Variants in IREB2 observed in about 807,000 individuals in gnomAD.
The protein encoded by IREB2 is iron-responsive element-binding protein 2.
A neutral mutation model predicts 118.8 loss-of-function variants in IREB2; 39 were observed. The ratio of observed to expected loss-of-function variants is 0.33; its 90% CI spans 0.25 to 0.43. The LOEUF (loss-of-function observed/expected upper bound fraction) is 0.43. Among genes scored for constraint, IREB2 ranks in the 20% least tolerant of loss-of-function variants. IREB2 has a pLI of 1.00. For missense variants in IREB2, 900 were observed against 1,147.3 expected (o/e 0.78, Z 3.11); for synonymous variants, 372 against 392.2 (o/e 0.95, Z 0.61).
chr15:78,483,843 G>A (rs1346562281), intron 11 of IREB2, among the ~76,000 whole-genome samples: 2 of 108,876 alleles, frequency 1.8e-5, no homozygotes, highest in Admixed American at 2.0e-4. Flanking sequence ...GAGTGCAGTG[G>A]CACAATCTCG....
At chr15:78,494,412 A>C (rs2051804967) in intron 20 of IREB2, 148 bp downstream of exon 20, 1 of 799,806 alleles carries the variant, frequency 1.3e-6, no homozygotes, top group Non-Finnish European at 2.0e-6. Flanking sequence ...TGTTTATTTC[A>C]GTGATCTTTG....
rs2051685497 is a variant in IREB2 at position 78,487,795 on chromosome 15, C to T, written c.1772C>T (p.Ala591Val). 2 of 1,603,400 alleles carry T rather than the reference C, an allele frequency of 1.2e-6. No homozygotes were observed. The highest frequency in any genetic ancestry group is 2.2e-5 in the South Asian group (2 of 90,708). ...CVGNTAPLSD[A>V]VLNAVKQGDL... ...GGAAATACAGCACCCTTATCAGACG[C>T]AGTTTTAAATGCAGTAAAACAGGTA... The change falls in exon 14 of 22, where the codon GCA becomes GTA. Residue 591 changes from alanine to valine, a missense_variant. Ala to Val is a moderately conservative substitution (Grantham distance 64). Coordinates refer to ENST00000258886, the MANE Select transcript of IREB2 (RefSeq NM_004136.4).
At chr15:78,497,346 C>T in intron 21 of IREB2, 35 bp downstream of exon 21, 1 of 1,380,428 alleles carries the variant, frequency 7.2e-7, no homozygotes, top group South Asian at 1.2e-5. Context: ...TGATTATGCA[C>T]TCAAATGTTT....
rs1202288572 is a variant in IREB2 at position 78,498,201 on chromosome 15, A to C, written c.*58A>C. 2 of 934,340 alleles carry C rather than the reference A, an allele frequency of 2.1e-6. No individual in the cohort carries two copies. Among genetic ancestry groups the C allele is most frequent in the Non-Finnish European group, 3.5e-6 (2 of 570,210 alleles). 57.9% of individuals were successfully genotyped at this position (934,340 alleles called of 1,614,324 possible). On this transcript the variant is annotated 3_prime_UTR_variant, in exon 22 of 22. Transcript: ENST00000258886. ...GTAACTGCAAAGCCTTTTGTGCTGG[A>C]CCCAGGAATCCTTACCATGGAGCAG...
At chr15:78,491,998 A>T (rs558887996) in intron 18 of IREB2, among the ~76,000 whole-genome samples, 2 of 152,278 alleles carry the variant, frequency 1.3e-5, no homozygotes, top group African/African-American at 4.8e-5. Flanking sequence ...ATGCCTCCTG[A>T]TATGTATTTC....
rs144888276 is a variant in IREB2, at chr15:78,494,032, A to G, written c.2448A>G (p.Thr816=). ...NKFIGKPAPK[T]IHFPSGQTLD... ...TTATTGGAAAACCAGCTCCTAAAAC[A>G]ATTCATTTTCCATCAGGACAGACGG... is the stretch of plus-strand genomic sequence containing the variant. The change falls in exon 19 of 22, where the codon ACA becomes ACG. Residue 816 remains threonine, a synonymous_variant. Coordinates refer to ENST00000258886, the MANE Select transcript of IREB2 (RefSeq NM_004136.4). 25 of 1,613,988 alleles carry G rather than the reference A, an allele frequency of 1.5e-5. No homozygotes were observed. The African/African-American group carries it at 3.3e-4, about 22-fold the overall frequency.
Position 78,480,964 on chromosome 15 carries a change from G to T in IREB2, c.1297-2354G>T, listed in dbSNP as rs533604558. Among the ~76,000 whole-genome samples, 3 of 150,430 alleles carry T rather than the reference G, an allele frequency of 2.0e-5. No individual in the cohort carries two copies. In the East Asian group the frequency reaches 6.0e-4, roughly 30 times the overall value. ...ACAGAGGTTGCAATGAGCTGAGATGGCACCACTGTATTCCAGCCTGGGCAA... is the reference window on the plus strand; with the variant it reads ...ACAGAGGTTGCAATGAGCTGAGATGTCACCACTGTATTCCAGCCTGGGCAA... On this transcript the variant is annotated intron_variant, in intron 10 of 21. Coordinates refer to ENST00000258886, the MANE Select transcript of IREB2 (RefSeq NM_004136.4).
chr15:78,445,593 CTTA>C (rs2050916147), intron 2 of IREB2, among the ~76,000 whole-genome samples: 1 of 152,228 alleles, frequency 6.6e-6, no homozygotes, highest in Non-Finnish European at 1.5e-5. Context: ...CTGTTTGTCA[CTTA>C]AAGGCTGCCT....
chr15:78,458,433 G>T (rs1245201962), intron 2 of IREB2, among the ~76,000 whole-genome samples: 2 of 152,066 alleles, frequency 1.3e-5, no homozygotes, highest in African/African-American at 4.8e-5. Context: ...TCTCAGTTTT[G>T]CTGTGAACCT....
At position 78,484,813 on chromosome 15, in the gene IREB2, C is replaced by T; in HGVS notation, c.1466C>T (p.Ser489Phe). 6.2e-7 allele frequency: 1 copy of T among 1,613,240 alleles called. No individual in the cohort carries two copies. Among genetic ancestry groups the T allele is most frequent in the Non-Finnish European group, 8.5e-7 (1 of 1,179,380 alleles). ...GCTGAAAAACAAAAGGATATTGTCT[C>T]CATTCATTATGAAGGAAGTGAATAT... ...IAAEKQKDIVSIHYEGSEYKL... is the reference protein window; with the variant it reads ...IAAEKQKDIVFIHYEGSEYKL... The change falls in exon 12 of 22, where the codon TCC becomes TTC. Residue 489 changes from serine (S) to phenylalanine (F), a missense_variant. Coordinates refer to ENST00000258886, the MANE Select transcript of IREB2 (RefSeq NM_004136.4).
chr15:78,471,289 A>G (rs554352228), intron 6 of IREB2, among the ~76,000 whole-genome samples: 1 of 152,326 alleles, frequency 6.6e-6, no homozygotes, highest in East Asian at 1.9e-4. Flanking sequence ...GATCACAGAC[A>G]TGAGCCACTC....
At chr15:78,440,383 A>T (rs1321974505) in intron 2 of IREB2, among the ~76,000 whole-genome samples, 13 of 141,756 alleles carry the variant, frequency 9.2e-5, no homozygotes, top group Non-Finnish European at 2.0e-4. Flanking sequence ...TTTTTTTTTG[A>T]GACAGAGTCT....
chr15:78,441,351 A>G (rs1453423128), intron 2 of IREB2, among the ~76,000 whole-genome samples: 1 of 152,240 alleles, frequency 6.6e-6, no homozygotes, highest in Non-Finnish European at 1.5e-5. Flanking sequence ...TATGTCTTTC[A>G]CATTAATTTT....
chr15:78,479,870 G>A (rs565605016), intron 10 of IREB2, among the ~76,000 whole-genome samples: 1 of 150,876 alleles, frequency 6.6e-6, no homozygotes, highest in African/African-American at 2.4e-5. Flanking sequence ...GCAGTGAGCT[G>A]TGGTCATGCC....
At chr15:78,446,407 G>A (rs577022138) in intron 2 of IREB2, among the ~76,000 whole-genome samples, 3 of 152,120 alleles carry the variant, frequency 2.0e-5, no homozygotes, top group Non-Finnish European at 4.4e-5. Flanking sequence ...ACACTAGCTC[G>A]AGTGAAGAAG....
rs2051932916 is a variant in IREB2 at position 78,500,913 on chromosome 15, G to A, written c.*2770G>A. The A allele has an allele frequency of 6.6e-6, 1 of 152,224 alleles. No homozygotes were observed. The highest frequency in any genetic ancestry group is 2.4e-5 in the African/African-American group (1 of 41,472). The allele number at this position is 152,224 out of a possible 1,614,324, so 9.4% of individuals were successfully genotyped here. On this transcript the variant is annotated 3_prime_UTR_variant, in exon 22 of 22. Coordinates refer to ENST00000258886, the MANE Select transcript of IREB2 (RefSeq NM_004136.4). ...AACAGTTGTACTAAAGGAAAGTAAA[G>A]CTAGGACCTAAATCAGAATCATAGT...
chr15:78,494,290 T>C, intron 20 of IREB2, 26 bp downstream of exon 20: 1 of 1,603,342 alleles, frequency 6.2e-7, no homozygotes, highest in South Asian at 1.1e-5. Flanking sequence ...ATTTATCATC[T>C]TAAGCTTCAA....
At position 78,493,899 on chromosome 15, in the gene IREB2, T is replaced by A; in HGVS notation, c.2325-10T>A. 6.2e-7 allele frequency: 1 copy of A among 1,602,848 alleles called. No individual in the cohort carries two copies. The highest frequency in any genetic ancestry group is 1.3e-5 in the African/African-American group (1 of 74,392). ...TGTAATGAAAACTGACTTTCATTAC[T>A]TTCTTGTAGCCTTACCCCTCGTGAA... On this transcript the variant is annotated splice_polypyrimidine_tract_variant and intron_variant, in intron 18 of 21. Transcript: ENST00000258886.
At chr15:78,462,136 AT>A (rs2051208051) in intron 2 of IREB2, among the ~76,000 whole-genome samples, 1 of 152,188 alleles carries the variant, frequency 6.6e-6, no homozygotes, top group African/African-American at 2.4e-5. Context: ...TTAGCATACT[AT>A]AAACACTGTT....
Sources: gnomAD v4.1 joint callset for allele counts (sites outside exome capture counted in the v4.1 genomes callset) on GRCh38, gnomAD v4.1.1 for gene constraint, MANE v1.5 for transcripts, NCBI Gene and HGNC (gene_info 2026-07-23, HGNC 2026-07-21) for gene names.